CASP6: variants seen among roughly 807,000 people sequenced by gnomAD.
CASP6 encodes caspase 6, also known as caspase-6.
CASP6 carries 20 observed loss-of-function variants against 31.8 expected under a neutral mutation model. The observed-to-expected ratio is 0.63, with a 90% CI of 0.44 to 0.91. CASP6 has a LOEUF of 0.91. Among genes scored for constraint, CASP6 ranks in the 40% least tolerant of loss-of-function variants. CASP6 has a pLI of 0.00. For synonymous variants in CASP6, 130 were observed against 127.8 expected (o/e 1.02, Z -0.12); for missense variants, 328 against 361.1 (o/e 0.91, Z 0.74).
upstream of CASP6, among the ~76,000 whole-genome samples, chr4:109,706,312 G>A (rs902567442): frequency 5.3e-5 from 8 of 151,488 alleles, no homozygotes; most frequent in South Asian, 1.5e-3. Context: ...GGAAGTCACT[G>A]TAGATGTGGC....
At chr4:109,705,813 AT>A (rs1255793390), upstream of CASP6, among the ~76,000 whole-genome samples, 433 of 139,140 alleles carry the variant, frequency 3.1e-3, 1 homozygote, top group South Asian at 6.2e-3. Flanking sequence ...TGTCTCTACA[AT>A]TTTTTTTTTT....
downstream of CASP6, chr4:109,685,090 G>GTT (rs532429623): frequency 4.4e-4 from 216 of 494,574 alleles, 1 homozygote; most frequent in African/African-American, 3.7e-3. Context: ...GAGACTAAAT[G>GTT]TTTTGTGTTG....
chr4:109,695,762 T>C (rs1243154121), intron 4 of CASP6, among the ~76,000 whole-genome samples: 2 of 148,152 alleles, frequency 1.3e-5, no homozygotes, highest in Non-Finnish European at 3.0e-5. Context: ...AAAAAGATTA[T>C]AGCACTTAGA....
chr4:109,706,131 T>TATATATATATATATATATATA (rs60918624), upstream of CASP6, among the ~76,000 whole-genome samples: 6 of 36,084 alleles, frequency 1.7e-4, 2 homozygotes, highest in African/African-American at 6.5e-4. Context: ...CCTATCCATT[T>TATATATATATATATATATATA]TATATATATA....
the CASP6 span, among the ~76,000 whole-genome samples, chr4:109,665,407 A>G: frequency 2.0e-5 from 3 of 152,152 alleles, no homozygotes; most frequent in Non-Finnish European, 4.4e-5. Context: ...TGGTTTCCTT[A>G]TAGTTGTTTC....
the CASP6 span, among the ~76,000 whole-genome samples, chr4:109,679,427 C>T: frequency 6.6e-6 from 1 of 152,318 alleles, no homozygotes; most frequent in Admixed American, 6.5e-5. Flanking sequence ...GGGCAGATCA[C>T]CTGAGGCCAG....
chr4:109,706,836 G>T (rs1463853911), upstream of CASP6, among the ~76,000 whole-genome samples: 1 of 152,198 alleles, frequency 6.6e-6, no homozygotes, highest in African/African-American at 2.4e-5. Flanking sequence ...TGAACCAGGA[G>T]GCAGAGGTTG....
chr4:109,705,036 G>C (rs907087067), upstream of CASP6, among the ~76,000 whole-genome samples: 2 of 152,128 alleles, frequency 1.3e-5, no homozygotes, highest in African/African-American at 2.4e-5. Context: ...ATATGAAACG[G>C]CCTTCTATTG....
chr4:109,706,129 TTTTATATA>T (rs58813582), upstream of CASP6, among the ~76,000 whole-genome samples: 15,449 of 55,664 alleles, frequency 0.28, 2,118 homozygotes, highest in Admixed American at 0.34. Flanking sequence ...TACCTATCCA[TTTTATATA>T]TATATATATA....
chr4:109,687,488 A>G (rs1729874871), downstream of CASP6: 3 of 1,526,014 alleles, frequency 2.0e-6, no homozygotes, highest in Non-Finnish European at 2.7e-6. Flanking sequence ...CTTTCTGATC[A>G]CATGCTTTTT....
the CASP6 span, among the ~76,000 whole-genome samples, chr4:109,680,137 T>C: frequency 6.6e-6 from 1 of 152,148 alleles, no homozygotes; most frequent in Non-Finnish European, 1.5e-5. Flanking sequence ...AGACCTGTCT[T>C]CTCAAGGACT....
At chr4:109,706,958 T>C (rs149084001), upstream of CASP6, among the ~76,000 whole-genome samples, 554 of 152,220 alleles carry the variant, frequency 3.6e-3, 5 homozygotes, top group African/African-American at 0.013. Context: ...TTTTAAGAGA[T>C]TGCCAGTCAT....
At chr4:109,697,455 C>T (rs1218108060) in intron 3 of CASP6, among the ~76,000 whole-genome samples, 167 bp downstream of exon 3, 1 of 151,928 alleles carries the variant, frequency 6.6e-6, no homozygotes, top group Non-Finnish European at 1.5e-5. Flanking sequence ...TTTGTAGAGA[C>T]CAGGTCTCAC....
At chr4:109,701,844 G>C (rs1167698575) in intron 1 of CASP6, among the ~76,000 whole-genome samples, 1 of 152,140 alleles carries the variant, frequency 6.6e-6, no homozygotes, top group Non-Finnish European at 1.5e-5. Flanking sequence ...AAGTGAAGCT[G>C]GGATTGAAAG....
At chr4:109,669,500 T>TA in the CASP6 span, among the ~76,000 whole-genome samples, 38 of 152,296 alleles carry the variant, frequency 2.5e-4, no homozygotes, top group African/African-American at 8.9e-4. Context: ...TGTGTAGTTT[T>TA]CTCTTGGCAT....
intron 1 of CASP6, among the ~76,000 whole-genome samples, chr4:109,699,931 T>G (rs185848121): frequency 3.1e-4 from 47 of 152,278 alleles, no homozygotes; most frequent in Non-Finnish European, 5.6e-4. Flanking sequence ...TTCAAGAAAA[T>G]TAAATCCATA....
chr4:109,693,701 T>A (rs1038323983), intron 5 of CASP6, among the ~76,000 whole-genome samples: 24 of 141,662 alleles, frequency 1.7e-4, no homozygotes, highest in African/African-American at 5.3e-4. Flanking sequence ...AAAAAAAAAA[T>A]CGTTAATGAT....
chr4:109,678,627 C>T, the CASP6 span, among the ~76,000 whole-genome samples: 544 of 123,294 alleles, frequency 4.4e-3, 4 homozygotes, highest in African/African-American at 0.014. Flanking sequence ...ACCTCCCAGA[C>T]GGGGTGGCGG....
At chr4:109,687,504 T>TC (rs1418181056), downstream of CASP6, 1 of 1,598,034 alleles carries the variant, frequency 6.3e-7, no homozygotes, top group Admixed American at 1.7e-5. Context: ...TTTTTCTTTT[T>TC]CCCATGACAG....
Sources: gnomAD v4.1 joint callset for allele counts (sites outside exome capture counted in the v4.1 genomes callset) on GRCh38, gnomAD v4.1.1 for gene constraint, MANE v1.5 for transcripts, NCBI Gene and HGNC (gene_info 2026-07-23, HGNC 2026-07-21) for gene names.